MAL: variants seen among roughly 807,000 people sequenced by gnomAD.
MAL encodes the protein myelin and lymphocyte protein.
A neutral mutation model predicts 16.7 loss-of-function variants in MAL; 5 were observed. The ratio of observed to expected loss-of-function variants is 0.30; its 90% CI spans 0.16 to 0.63. The LOEUF (loss-of-function observed/expected upper bound fraction) is 0.63. Among genes scored for constraint, MAL ranks in the 30% least tolerant of loss-of-function variants. The pLI is 0.82. For missense variants in MAL, 202 were observed against 195.8 expected (o/e 1.03, Z -0.19); for synonymous variants, 96 against 85.5 (o/e 1.12, Z -0.67).
At chr2:95,049,849 A>G (rs1674679464) in intron 3 of MAL, 143 bp downstream of exon 3, 4 of 1,252,882 alleles carry the variant, frequency 3.2e-6, no homozygotes, top group Admixed American at 5.0e-5. Flanking sequence ...TGCCTGGAGC[A>G]GGAAAGCCCC....
At chr2:95,030,169 A>G (rs1160742444) in intron 1 of MAL, among the ~76,000 whole-genome samples, 3 of 152,054 alleles carry the variant, frequency 2.0e-5, no homozygotes, top group Admixed American at 2.0e-4. Flanking sequence ...CCTATCCCAG[A>G]CCTCCTGACC....
intron 1 of MAL, among the ~76,000 whole-genome samples, chr2:95,030,345 C>G (rs1674047363): frequency 6.6e-6 from 1 of 152,226 alleles, no homozygotes; most frequent in South Asian, 2.1e-4. Flanking sequence ...CCAATGCTCT[C>G]CCCTCCTCCA....
At position 95,039,524 on chromosome 2, in the gene MAL, GTGAC is replaced by G. The variant is rs1674387091; in HGVS notation, c.94-8431_94-8428del. On this transcript the variant is annotated intron_variant, in intron 1 of 3. Coordinates refer to ENST00000309988, the MANE Select transcript of MAL (RefSeq NM_002371.4). ...GGTGAGTGACTGAGTGAGTGACTGA[GTGAC>G]TGAGTGGGTGAGTGAGTGACTTGGT... Among the ~76,000 whole-genome samples, 6 of 151,584 alleles carry G rather than the reference GTGAC, an allele frequency of 4.0e-5. 1 individual carries two copies. The South Asian group carries it at 1.3e-3, about 32-fold the overall frequency.
At chr2:95,032,224 G>T (rs1194013106) in intron 1 of MAL, among the ~76,000 whole-genome samples, 1 of 152,232 alleles carries the variant, frequency 6.6e-6, no homozygotes, top group Admixed American at 6.5e-5. Context: ...ACCTATACTC[G>T]CCACACCAGC....
intron 1 of MAL, among the ~76,000 whole-genome samples, chr2:95,035,797 G>A (rs1229336904): frequency 6.6e-6 from 1 of 151,714 alleles, no homozygotes; most frequent in Non-Finnish European, 1.5e-5. Context: ...AGCCTCCTGA[G>A]TAGCTGGGAC....
At chr2:95,037,444 CTGAG>C (rs1558658026) in intron 1 of MAL, among the ~76,000 whole-genome samples, 2 of 77,198 alleles carry the variant, frequency 2.6e-5, no homozygotes, top group Non-Finnish European at 5.4e-5. Context: ...GACTGAGTGA[CTGAG>C]TGAGTGACTG....
chr2:95,026,169 C>A (rs1318203334), intron 1 of MAL, among the ~76,000 whole-genome samples: 2 of 152,056 alleles, frequency 1.3e-5, no homozygotes, highest in African/African-American at 4.8e-5. Context: ...GGGGACGGCT[C>A]TTGGTTCGCT....
intron 2 of MAL, 62 bp downstream of exon 2, chr2:95,048,188 C>A (rs1290531168): frequency 1.3e-6 from 2 of 1,499,198 alleles, no homozygotes; most frequent in East Asian, 2.3e-5. Context: ...GGTCCCTGGC[C>A]CAGTAGGATG....
rs761855577 is a variant in MAL, at chr2:95,025,789, C to A, written c.-4C>A. On this transcript the variant is annotated 5_prime_UTR_variant, in exon 1 of 4. Transcript: ENST00000309988. The surrounding 1 kb of genome is among the most constrained non-coding windows in gnomAD (Gnocchi z 5.6). ...CGTCCCAAGGCCGACGCCAGCACGC[C>A]GTCATGGCCCCCGCAGCGGCGACGG... 1 of 1,540,286 alleles carries A rather than the reference C, an allele frequency of 6.5e-7. No homozygotes were observed. Among genetic ancestry groups the A allele is most frequent in the East Asian group, 2.5e-5 (1 of 39,412 alleles).
intron 1 of MAL, among the ~76,000 whole-genome samples, chr2:95,037,599 GGTGA>G (rs780924054): frequency 7.7e-5 from 8 of 104,368 alleles, no homozygotes; most frequent in African/African-American, 2.3e-4. Context: ...TGAGTGAGTG[GGTGA>G]GTAACAGAGT....
intron 1 of MAL, among the ~76,000 whole-genome samples, chr2:95,039,991 T>A (rs1674404996): frequency 6.6e-6 from 1 of 152,132 alleles, no homozygotes; most frequent in Admixed American, 6.5e-5. Flanking sequence ...TCCCCTGACC[T>A]CCTGCTCTGT....
chr2:95,048,535 C>T (rs1317105559), intron 2 of MAL, among the ~76,000 whole-genome samples: 2 of 152,220 alleles, frequency 1.3e-5, no homozygotes, highest in Non-Finnish European at 2.9e-5. Flanking sequence ...GAGGGTCAGG[C>T]CATGCTTACT....
At position 95,040,398 on chromosome 2, in the gene MAL, T is replaced by C. The variant is rs370026020; in HGVS notation, c.94-7561T>C. 6.3e-4 allele frequency among the ~76,000 whole-genome samples: 95 copies of C among 150,938 alleles called. 1 individual carries two copies. The highest frequency in any genetic ancestry group is 2.2e-3 in the African/African-American group (92 of 41,124). ...ATGCACATATACACAAGCATACATG[T>C]ACACACACACACACATACACATACA... is the stretch of plus-strand genomic sequence containing the variant. On this transcript the variant is annotated intron_variant, in intron 1 of 3. Coordinates refer to ENST00000309988, the MANE Select transcript of MAL (RefSeq NM_002371.4).
chr2:95,038,756 CTGAGTGAGTGACTGAGTGAGTGAGCAAG>C (rs778379003), intron 1 of MAL, among the ~76,000 whole-genome samples: 100 of 124,950 alleles, frequency 8.0e-4, no homozygotes, highest in Admixed American at 1.7e-3. Flanking sequence ...GACTGACTGA[CTGAGTGAGTGACTGAGTGAGTGAGCAAG>C]TGAGTGAGTG....
intron 1 of MAL, among the ~76,000 whole-genome samples, chr2:95,042,828 G>A (rs1428252573): frequency 6.6e-6 from 1 of 152,218 alleles, no homozygotes; most frequent in Non-Finnish European, 1.5e-5. Flanking sequence ...TATTTGGCCA[G>A]CGGGGTCCTG....
intron 1 of MAL, among the ~76,000 whole-genome samples, chr2:95,031,473 G>A (rs1220231067): frequency 6.6e-6 from 1 of 152,254 alleles, no homozygotes; most frequent in African/African-American, 2.4e-5. Context: ...TCCACTGACT[G>A]GCTGAGACTT....
rs756256436 is a variant in MAL at position 95,049,643 on chromosome 2, G to A, written c.324G>A (p.Leu108=). 6.2e-7 allele frequency: 1 copy of A among 1,614,208 alleles called. No individual in the cohort carries two copies. Among genetic ancestry groups the A allele is most frequent in the East Asian group, 2.2e-5 (1 of 44,884 alleles). ...TCAGCGCCTCAGTCCTGGAGGCCCT[G>A]GCCACCATCACGATGCAAGACGGCT... The part of the protein sequence containing the change: ...FYLSASVLEA[L]ATITMQDGFT... Residue 108 remains leucine (L), a synonymous_variant, in exon 3 of 4, where the codon CTG becomes CTA. Coordinates refer to ENST00000309988, the MANE Select transcript of MAL (RefSeq NM_002371.4).
chr2:95,053,397 C>T lies in MAL; in HGVS notation c.404C>T (p.Ala135Val). The T allele has an allele frequency of 6.2e-7, 1 of 1,613,004 alleles. No individual in the cohort carries two copies. The highest frequency in any genetic ancestry group is 8.5e-7 in the Non-Finnish European group (1 of 1,179,142). ...NIAAVVFSYIATLLYVVHAVF... is the reference protein window; with the variant it reads ...NIAAVVFSYIVTLLYVVHAVF... ...TGGTTCCAGGTGTTCTCCTACATAG[C>T]CACTCTGCTCTACGTGGTCCATGCG... The change falls in exon 4 of 4, where the codon GCC (alanine) becomes GTC (valine). Residue 135 changes from alanine to valine, a missense_variant. Transcript: ENST00000309988.
At position 95,049,714 on chromosome 2, in the gene MAL, C is replaced by T. The variant is rs1437915535; in HGVS notation, c.387+8C>T. 8 of 1,614,036 alleles carry T rather than the reference C, an allele frequency of 5.0e-6. No homozygotes were observed. Among genetic ancestry groups the T allele is most frequent in the South Asian group, 3.3e-5 (3 of 91,066 alleles). On this transcript the variant is annotated splice_region_variant and intron_variant, in intron 3 of 3. Coordinates refer to ENST00000309988, the MANE Select transcript of MAL (RefSeq NM_002371.4). ...GAAAACATTGCTGCCGTGGTGAGTC[C>T]GGGCACCTGGGGCTGTGTCCACAGC...
Sources: gnomAD v4.1 joint callset for allele counts (sites outside exome capture counted in the v4.1 genomes callset) on GRCh38, gnomAD v4.1.1 for gene constraint, Gnocchi (gnomAD v3.1) non-coding constraint, MANE v1.5 for transcripts, NCBI Gene and HGNC (gene_info 2026-07-23, HGNC 2026-07-21) for gene names.